The following LARS2 variants were observed in gnomAD, a reference collection of about 807,000 sequenced individuals.
LARS2 encodes the protein leucine--tRNA ligase, mitochondrial.
LARS2 carries 81 observed loss-of-function variants against 116.6 expected under a neutral mutation model. The observed-to-expected ratio is 0.69, with a 90% confidence interval of 0.58 to 0.84. The LOEUF (loss-of-function observed/expected upper bound fraction) is 0.84, where lower values mean the gene tolerates loss of function less well. Among genes scored for constraint, LARS2 ranks in the 40% least tolerant of loss-of-function variants. The pLI is 0.00. For missense variants in LARS2, 968 were observed against 1,114.5 expected (o/e 0.87, Z 1.87); for synonymous variants, 396 against 407.2 (o/e 0.97, Z 0.33).
intron 20 of LARS2, among the ~76,000 whole-genome samples, chr3:45,533,429 G>A (rs1700651676): frequency 6.6e-6 from 1 of 152,138 alleles, no homozygotes; most frequent in Admixed American, 6.5e-5. Context: ...TTACAGGCGT[G>A]AGCCACTGCG....
At chr3:45,397,767 G>C (rs17077762) in intron 3 of LARS2, among the ~76,000 whole-genome samples, 2,399 of 152,232 alleles carry the variant, frequency 0.016, 47 homozygotes, top group African/African-American at 0.055. Context: ...TCATTGTAAG[G>C]AGTAAGGCAT....
rs1006283040 is a variant in LARS2, at chr3:45,449,409, G to C, written c.606+2429G>C. Reference sequence around the variant, plus strand: ...ACTCCCAAACTCAGGTGATCTGCCCGCCTCAGCCTCCCAAAGTGCTGAGAT... The same window carrying C: ...ACTCCCAAACTCAGGTGATCTGCCCCCCTCAGCCTCCCAAAGTGCTGAGAT... On this transcript the variant is annotated intron_variant, in intron 7 of 21. Coordinates refer to ENST00000645846, the MANE Select transcript of LARS2 (RefSeq NM_015340.4). Among the ~76,000 whole-genome samples, 3 of 152,032 alleles carry C rather than the reference G, an allele frequency of 2.0e-5. No homozygotes were observed. In the East Asian group the frequency reaches 5.8e-4, roughly 29 times the overall value.
intron 6 of LARS2, among the ~76,000 whole-genome samples, chr3:45,439,435 G>C (rs188293043): frequency 6.6e-6 from 1 of 151,946 alleles, no homozygotes; most frequent in African/African-American, 2.4e-5. Flanking sequence ...TGGCCAGGCT[G>C]TTCTTGAACT....
intron 15 of LARS2, among the ~76,000 whole-genome samples, chr3:45,508,238 G>T (rs1028332691): frequency 6.6e-6 from 1 of 152,060 alleles, no homozygotes; most frequent in Non-Finnish European, 1.5e-5. Context: ...AGGGCAGGCC[G>T]CCTGCTGACC....
At chr3:45,538,649 C>A (rs951417050) in intron 20 of LARS2, among the ~76,000 whole-genome samples, 1 of 152,226 alleles carries the variant, frequency 6.6e-6, no homozygotes, top group African/African-American at 2.4e-5. Context: ...TGATCCTCAG[C>A]TCCTAAGGAG....
chr3:45,434,994 A>G (rs2014378), intron 6 of LARS2, among the ~76,000 whole-genome samples: 18,794 of 152,256 alleles, frequency 0.12, 1,419 homozygotes, highest in Middle Eastern at 0.2. Flanking sequence ...CATTAATTTT[A>G]TCTGCAGCAT....
At chr3:45,424,843 C>G (rs555358925) in intron 6 of LARS2, among the ~76,000 whole-genome samples, 67 of 152,202 alleles carry the variant, frequency 4.4e-4, no homozygotes, top group African/African-American at 1.5e-3. Flanking sequence ...GAACACTGTC[C>G]GTATACTCAT....
intron 3 of LARS2, 71 bp downstream of exon 3, chr3:45,394,758 C>A (rs1168673614): frequency 1.1e-5 from 11 of 1,007,632 alleles, no homozygotes; most frequent in Non-Finnish European, 3.0e-6. Flanking sequence ...GGTTAGACTA[C>A]CTGGTTCAAA....
In LARS2 at chr3:45,541,872, G is replaced by A; in HGVS notation, c.2448G>A (p.Trp816Ter). ...VPRKLCAHYT[W>*]DASVLLQAWP... ...GGAAGCTCTGTGCCCACTACACTTG[G>A]GATGCCAGTGTGCTGCTCCAGGCAT... The change falls in exon 21 of 22, where the codon TGG (tryptophan) becomes TGA (stop). Residue 816 changes from tryptophan to a stop codon, truncating the protein, a stop_gained. Coordinates refer to ENST00000645846, the MANE Select transcript of LARS2 (RefSeq NM_015340.4). LOFTEE classifies it high-confidence loss of function. The A allele has an allele frequency of 6.2e-7, 1 of 1,614,248 alleles. No homozygotes were observed. The highest frequency in any genetic ancestry group is 8.5e-7 in the Non-Finnish European group (1 of 1,180,032).
At chr3:45,471,284 A>G (rs1007817612) in intron 8 of LARS2, among the ~76,000 whole-genome samples, 2 of 152,200 alleles carry the variant, frequency 1.3e-5, no homozygotes, top group Middle Eastern at 6.3e-3. Flanking sequence ...TACAGTGGGG[A>G]CCGAAAAGAG....
Position 45,474,450 on chromosome 3 carries a change from C to T in LARS2, c.858+100C>T, listed in dbSNP as rs1699579941. ...AGCAACTTGGGACTCCACAGCACCA[C>T]AGTCCAAACGTGTACAATTTTAAAT... On this transcript the variant is annotated intron_variant, in intron 9 of 21. Transcript: ENST00000645846. 4 of 637,644 alleles carry T rather than the reference C, an allele frequency of 6.3e-6. No homozygotes were observed. In the East Asian group the frequency reaches 1.1e-4, roughly 17 times the overall value. The allele number at this position is 637,644 out of a possible 1,614,324, so 39.5% of individuals were successfully genotyped here.
chr3:45,403,957 G>A (rs1485232919), intron 4 of LARS2, among the ~76,000 whole-genome samples: 2 of 152,194 alleles, frequency 1.3e-5, no homozygotes, highest in African/African-American at 4.8e-5. Context: ...AGGATTAGAT[G>A]AGATAGTGCT....
At chr3:45,438,505 A>T (rs916105092) in intron 6 of LARS2, among the ~76,000 whole-genome samples, 24 of 151,882 alleles carry the variant, frequency 1.6e-4, no homozygotes, top group African/African-American at 5.8e-4. Context: ...GTGCTTCTTT[A>T]TATGTGAGAA....
chr3:45,416,450 C>T (rs1035849288), intron 4 of LARS2, among the ~76,000 whole-genome samples: 8 of 151,992 alleles, frequency 5.3e-5, no homozygotes, highest in African/African-American at 1.7e-4. Flanking sequence ...TCAGGCAAGC[C>T]GTGAGAAAGG....
chr3:45,416,411 G>A (rs1237859860), intron 4 of LARS2, among the ~76,000 whole-genome samples: 1 of 152,132 alleles, frequency 6.6e-6, no homozygotes, highest in Non-Finnish European at 1.5e-5. Flanking sequence ...GCTGAATGAT[G>A]TACATTTAAG....
intron 6 of LARS2, among the ~76,000 whole-genome samples, chr3:45,433,164 T>A (rs1698746659): frequency 6.6e-6 from 1 of 152,068 alleles, no homozygotes; most frequent in Non-Finnish European, 1.5e-5. Flanking sequence ...TGAAGTGGGT[T>A]TTTTGTAAAT....
At chr3:45,431,898 C>A (rs1255652797) in intron 6 of LARS2, among the ~76,000 whole-genome samples, 1 of 152,068 alleles carries the variant, frequency 6.6e-6, no homozygotes, top group African/African-American at 2.4e-5. Flanking sequence ...AAGCATGATC[C>A]ATCTATATGC....
At chr3:45,526,786 C>A (rs1185584187) in intron 20 of LARS2, among the ~76,000 whole-genome samples, 2 of 152,008 alleles carry the variant, frequency 1.3e-5, no homozygotes, top group Non-Finnish European at 2.9e-5. Flanking sequence ...AGTACACAAG[C>A]AGATAGATAG....
chr3:45,512,274 G>C (rs186916482), intron 15 of LARS2, among the ~76,000 whole-genome samples: 68 of 152,270 alleles, frequency 4.5e-4, no homozygotes, highest in Admixed American at 4.2e-3. Context: ...AATACTTAAC[G>C]TGTGTTATCA....
Sources: allele counts gnomAD v4.1 joint callset (sites outside exome capture counted in the v4.1 genomes callset), GRCh38; gene constraint gnomAD v4.1.1; transcripts MANE v1.5; gene names NCBI Gene and HGNC (gene_info 2026-07-23, HGNC 2026-07-21).